PDE1A: variants seen among roughly 807,000 people sequenced by gnomAD.
PDE1A encodes dual specificity calcium/calmodulin-dependent 3',5'-cyclic nucleotide phosphodiesterase 1A.
In PDE1A, 35 loss-of-function variants were observed where a neutral mutation model predicts 61.7. That is an observed-to-expected ratio of 0.57 (90% CI 0.43 to 0.75). The LOEUF is 0.75. Ranked by LOEUF, PDE1A falls within the 30% of genes least tolerant of loss-of-function variation. The probability of loss-of-function intolerance (pLI) is 0.00; values close to 1 mark genes in which losing one functional copy is unlikely to be tolerated. For missense variants in PDE1A, 597 were observed against 630.6 expected (o/e 0.95, Z 0.57); for synonymous variants, 232 against 213.2 (o/e 1.09, Z -0.77).
chr2:182,536,071 CA>C, the PDE1A span, among the ~76,000 whole-genome samples: 1 of 152,154 alleles, frequency 6.6e-6, no homozygotes, highest in Non-Finnish European at 1.5e-5. Flanking sequence ...TACATTATGG[CA>C]TTTGTATGGC....
chr2:182,266,886 GTC>G (rs1692671199), intron 1 of PDE1A, among the ~76,000 whole-genome samples: 1 of 152,124 alleles, frequency 6.6e-6, no homozygotes, highest in African/African-American at 2.4e-5. Context: ...CATGCTATGG[GTC>G]CACCTGAATG....
At chr2:182,566,605 T>C in the PDE1A span, among the ~76,000 whole-genome samples, 1 of 151,972 alleles carries the variant, frequency 6.6e-6, no homozygotes, top group Non-Finnish European at 1.5e-5. Context: ...TGTAGTTTCA[T>C]GCATGTAACT....
intron 2 of PDE1A, among the ~76,000 whole-genome samples, chr2:182,505,037 C>T (rs1689313104): frequency 6.6e-6 from 1 of 152,196 alleles, no homozygotes; most frequent in South Asian, 2.1e-4. Flanking sequence ...ATTCAGTCAG[C>T]TTATCTCCCT....
chr2:182,497,170 A>G (rs1346580774), intron 2 of PDE1A, among the ~76,000 whole-genome samples: 1 of 152,250 alleles, frequency 6.6e-6, no homozygotes, highest in Non-Finnish European at 1.5e-5. Flanking sequence ...CTCCACTAAC[A>G]TGACAGTAAA....
intron 13 of PDE1A, among the ~76,000 whole-genome samples, chr2:182,170,735 T>C (rs1368537415): frequency 6.6e-6 from 1 of 151,996 alleles, no homozygotes; most frequent in Non-Finnish European, 1.5e-5. Context: ...AGGATAGTGA[T>C]TGTAATAAAA....
chr2:182,188,246 G>C (rs1011576088), intron 11 of PDE1A, among the ~76,000 whole-genome samples: 9 of 152,190 alleles, frequency 5.9e-5, no homozygotes, highest in Non-Finnish European at 1.2e-4. Flanking sequence ...AACAGCTGTT[G>C]AAACTTGGAT....
chr2:182,166,623 C>G (rs79437451), downstream of PDE1A, among the ~76,000 whole-genome samples: 2,148 of 152,262 alleles, frequency 0.014, 50 homozygotes, highest in African/African-American at 0.049. Flanking sequence ...GCAGATGGCC[C>G]ATCATGGGAC....
the PDE1A span, among the ~76,000 whole-genome samples, chr2:182,564,952 G>A: frequency 5.9e-5 from 9 of 152,008 alleles, no homozygotes; most frequent in South Asian, 2.1e-4. Context: ...TTATACATTC[G>A]TCTAAATTTT....
At chr2:182,650,510 A>G in the PDE1A span, among the ~76,000 whole-genome samples, 2 of 152,204 alleles carry the variant, frequency 1.3e-5, no homozygotes, top group African/African-American at 2.4e-5. Context: ...TTTCATGTGC[A>G]TGGAAATAGG....
chr2:182,527,364 A>G (rs1292120586), upstream of PDE1A, among the ~76,000 whole-genome samples: 2 of 106,274 alleles, frequency 1.9e-5, 1 homozygote, highest in African/African-American at 7.5e-5. Context: ...ATATATATAT[A>G]TATATATATA....
Position 182,303,986 on chromosome 2 carries a change from C to T in PDE1A, c.54-39572G>A, listed in dbSNP as rs150541105. Among the ~76,000 whole-genome samples the T allele has an allele frequency of 2.4e-3, 364 of 152,132 alleles. 1 individual carries two copies. The highest frequency in any genetic ancestry group is 8.2e-3 in the African/African-American group (339 of 41,504). ...CAAGATCTCTGCTCACTGCAACCTC[C>T]GCCTCCCAGGTTCAGGTGATTCTCC... On this transcript the variant is annotated intron_variant, in intron 1 of 13. Transcript: ENST00000351439.
chr2:182,621,342 G>A, the PDE1A span, among the ~76,000 whole-genome samples: 11 of 152,124 alleles, frequency 7.2e-5, no homozygotes, highest in African/African-American at 2.7e-4. Context: ...TTTGAGAGTG[G>A]AAGAATTACT....
chr2:182,341,120 T>C (rs1453534208), intron 1 of PDE1A, among the ~76,000 whole-genome samples: 1 of 152,220 alleles, frequency 6.6e-6, no homozygotes. Flanking sequence ...TCCTTCAAAG[T>C]ACTCTTATAA....
chr2:182,519,027 T>C (rs1690390363), intron 2 of PDE1A, among the ~76,000 whole-genome samples: 1 of 152,100 alleles, frequency 6.6e-6, no homozygotes, highest in Non-Finnish European at 1.5e-5. Context: ...CATTTATCTT[T>C]CAAATGGAAA....
chr2:182,658,921 A>G, the PDE1A span, among the ~76,000 whole-genome samples: 21 of 152,168 alleles, frequency 1.4e-4, no homozygotes, highest in African/African-American at 4.8e-4. Flanking sequence ...ATTTTGAAAA[A>G]GGGTGAAATT....
chr2:182,333,107 G>C (rs1478124612), intron 1 of PDE1A, among the ~76,000 whole-genome samples: 1 of 152,024 alleles, frequency 6.6e-6, no homozygotes, highest in African/African-American at 2.4e-5. Context: ...ACAAAGAGAT[G>C]TAAACTCCCA....
At chr2:182,230,146 T>C in exon 6 of PDE1A, 3 of 1,610,768 alleles carry the variant, frequency 1.9e-6, no homozygotes, top group Non-Finnish European at 2.5e-6. Context: ...GAAACAGGAA[T>C]CTGTGGAAAG....
At chr2:182,208,331 C>T (rs1013376405) in intron 7 of PDE1A, among the ~76,000 whole-genome samples, 51 of 152,118 alleles carry the variant, frequency 3.4e-4, no homozygotes, top group African/African-American at 1.2e-3. Flanking sequence ...GGAAGCAAGG[C>T]ACATCTTAAA....
chr2:182,682,808 C>T, the PDE1A span, among the ~76,000 whole-genome samples: 2 of 152,220 alleles, frequency 1.3e-5, no homozygotes, highest in South Asian at 4.1e-4. Flanking sequence ...TGTTGTTTAA[C>T]ACAGAAAAGT....
Sources: allele counts gnomAD v4.1 joint callset (sites outside exome capture counted in the v4.1 genomes callset), GRCh38; gene constraint gnomAD v4.1.1; transcripts MANE v1.5; gene names NCBI Gene and HGNC (gene_info 2026-07-23, HGNC 2026-07-21).